Variants in CTNND2 observed in about 807,000 individuals in gnomAD.
CTNND2 encodes the protein catenin delta 2, also known as catenin delta-2.
Under a neutral mutation model 144.4 loss-of-function variants are expected in CTNND2, and 22 were observed. The observed-to-expected ratio is 0.15, with a 90% CI of 0.11 to 0.22. CTNND2 has a LOEUF of 0.22. CTNND2 is among the 10% of genes least tolerant of loss of function. CTNND2 has a pLI of 1.00. For synonymous variants in CTNND2, 751 were observed against 695.6 expected, an observed-to-expected ratio of 1.08 and a Z score of -1.25; for missense variants, 1,353 against 1,618.8, an observed-to-expected ratio of 0.84 and a Z score of 2.82.
At chr5:11,637,891 A>G (rs1781797495) in intron 2 of CTNND2, among the ~76,000 whole-genome samples, 1 of 152,174 alleles carries the variant, frequency 6.6e-6, no homozygotes, top group Non-Finnish European at 1.5e-5. Context: ...TTTGAGTTCT[A>G]GAGAAGTGAT....
intron 15 of CTNND2, 25 bp from the exon 16 acceptor site, chr5:11,082,871 G>A (rs747238312): frequency 6.2e-7 from 1 of 1,610,470 alleles, no homozygotes. Context: ...AAGGCGAAGG[G>A]CGTTAGAAAC....
intron 3 of CTNND2, among the ~76,000 whole-genome samples, chr5:11,537,376 C>A (rs1774303462): frequency 6.6e-6 from 1 of 151,996 alleles, no homozygotes; most frequent in Non-Finnish European, 1.5e-5. Flanking sequence ...TAATGTTGAA[C>A]TTATCCTTTT....
At chr5:11,839,698 C>G (rs1349938036) in intron 1 of CTNND2, among the ~76,000 whole-genome samples, 2 of 152,090 alleles carry the variant, frequency 1.3e-5, no homozygotes, top group Non-Finnish European at 2.9e-5. Flanking sequence ...ACTAGCTTCA[C>G]AGTAGTCCTA....
chr5:11,887,006 CAG>C (rs1279392554), intron 1 of CTNND2, among the ~76,000 whole-genome samples: 1 of 76,098 alleles, frequency 1.3e-5, no homozygotes, highest in East Asian at 4.5e-4. Flanking sequence ...TTTTTTGAGA[CAG>C]AGTCTCGCTC....
At chr5:11,767,636 G>A (rs1789673221) in intron 1 of CTNND2, among the ~76,000 whole-genome samples, 1 of 152,098 alleles carries the variant, frequency 6.6e-6, no homozygotes, top group South Asian at 2.1e-4. Context: ...TATTGAAAAT[G>A]GATTCCTAGG....
intron 1 of CTNND2, among the ~76,000 whole-genome samples, chr5:11,803,571 CACTGAAT>C (rs1458460355): frequency 6.6e-6 from 1 of 152,162 alleles, no homozygotes; most frequent in East Asian, 1.9e-4. Flanking sequence ...GAAAAAGAGT[CACTGAAT>C]GTTAAGGCTA....
intron 18 of CTNND2, among the ~76,000 whole-genome samples, chr5:11,001,607 C>T (rs1401767896): frequency 6.6e-6 from 1 of 152,172 alleles, no homozygotes; most frequent in African/African-American, 2.4e-5. Flanking sequence ...ACACTCTATT[C>T]TATAAGAAAT....
intron 2 of CTNND2, among the ~76,000 whole-genome samples, chr5:11,662,698 C>T (rs1783339574): frequency 1.3e-5 from 2 of 152,134 alleles, no homozygotes; most frequent in East Asian, 3.9e-4. Flanking sequence ...TTAGCCATCA[C>T]AGATGGATGC....
chr5:11,658,256 C>T (rs531193263), intron 2 of CTNND2, among the ~76,000 whole-genome samples: 1 of 151,924 alleles, frequency 6.6e-6, no homozygotes, highest in South Asian at 2.1e-4. Flanking sequence ...GTGTGTGTTC[C>T]TGTTGACTCA....
intron 14 of CTNND2, among the ~76,000 whole-genome samples, chr5:11,106,742 G>A (rs1752461459): frequency 6.6e-6 from 1 of 152,096 alleles, no homozygotes; most frequent in Non-Finnish European, 1.5e-5. Flanking sequence ...TTAAGAGAAT[G>A]CCCAAGGTTC....
At chr5:11,570,408 A>G (rs1433492942) in intron 2 of CTNND2, among the ~76,000 whole-genome samples, 1 of 152,142 alleles carries the variant, frequency 6.6e-6, no homozygotes, top group Non-Finnish European at 1.5e-5. Flanking sequence ...AGATACACAG[A>G]GATAGAGAGA....
At chr5:10,996,595 A>C (rs1309407102) in intron 18 of CTNND2, among the ~76,000 whole-genome samples, 1 of 150,888 alleles carries the variant, frequency 6.6e-6, no homozygotes, top group Non-Finnish European at 1.5e-5. Flanking sequence ...GATTTTGCTG[A>C]TTTATTTATT....
intron 12 of CTNND2, among the ~76,000 whole-genome samples, chr5:11,142,999 C>T (rs1480462064): frequency 6.6e-6 from 1 of 152,152 alleles, no homozygotes; most frequent in Non-Finnish European, 1.5e-5. Context: ...TTAGATGAGG[C>T]AGTGTGTGAT....
intron 9 of CTNND2, among the ~76,000 whole-genome samples, chr5:11,277,201 T>C (rs542971078): frequency 6.6e-6 from 1 of 152,230 alleles, no homozygotes; most frequent in Admixed American, 6.5e-5. Flanking sequence ...CTTCACAGAA[T>C]AGAGGATACA....
intron 3 of CTNND2, among the ~76,000 whole-genome samples, chr5:11,551,432 C>CTTTTTTTTTTTTTTTTTTTTTTTT (rs70949326): frequency 9.9e-6 from 1 of 100,920 alleles, no homozygotes; most frequent in African/African-American, 3.6e-5. Context: ...TTTCTTTTTT[C>CTTTTTTTTTTTTTTTTTTTTTTTT]TTTTTTTTTT....
At chr5:11,711,206 C>T (rs1444822599) in intron 2 of CTNND2, among the ~76,000 whole-genome samples, 2 of 152,130 alleles carry the variant, frequency 1.3e-5, no homozygotes, top group Non-Finnish European at 2.9e-5. Context: ...CAGGCATGTG[C>T]CACCACGCCA....
intron 5 of CTNND2, among the ~76,000 whole-genome samples, chr5:11,399,270 AAAG>A (rs911297495): frequency 6.6e-6 from 1 of 152,218 alleles, no homozygotes; most frequent in Non-Finnish European, 1.5e-5. Flanking sequence ...TCCTAAGGGC[AAAG>A]AAGGTTAAAG....
At chr5:11,615,294 C>T (rs1405198851) in intron 2 of CTNND2, among the ~76,000 whole-genome samples, 1 of 152,128 alleles carries the variant, frequency 6.6e-6, no homozygotes, top group Non-Finnish European at 1.5e-5. Context: ...CCATGAAAAA[C>T]AGTGGTTATA....
chr5:11,235,944 C>T (rs1741584324), intron 10 of CTNND2, among the ~76,000 whole-genome samples: 1 of 152,154 alleles, frequency 6.6e-6, no homozygotes, highest in Admixed American at 6.5e-5. Context: ...AAAGATGACT[C>T]GTTATAGTTT....
Sources: gnomAD v4.1 joint callset for allele counts (sites outside exome capture counted in the v4.1 genomes callset) on GRCh38, gnomAD v4.1.1 for gene constraint, MANE v1.5 for transcripts, NCBI Gene and HGNC (gene_info 2026-07-23, HGNC 2026-07-21) for gene names.